The following KIF9 variants were observed in gnomAD, a reference collection of about 807,000 sequenced individuals.
The protein encoded by KIF9 is kinesin-like protein KIF9.
In KIF9, 68 loss-of-function variants were observed where a neutral mutation model predicts 94.8. That is an observed-to-expected ratio of 0.72 (90% CI 0.59 to 0.88). The LOEUF (loss-of-function observed/expected upper bound fraction) is 0.88. Among genes scored for constraint, KIF9 ranks in the 40% least tolerant of loss-of-function variants. The pLI is 0.00. For missense variants in KIF9, 882 were observed against 982.5 expected, an observed-to-expected ratio of 0.90 and a Z score of 1.37; for synonymous variants, 343 against 362.1, an observed-to-expected ratio of 0.95 and a Z score of 0.60.
intron 3 of KIF9, 152 bp downstream of exon 3, chr3:47,275,172 AC>A (rs1333835053): frequency 6.3e-6 from 4 of 633,542 alleles, no homozygotes; most frequent in Non-Finnish European, 1.1e-5. Context: ...CACAATGTCA[AC>A]AAGCAAACAG....
At position 47,239,989 on chromosome 3, in the gene KIF9, G is replaced by C. The variant is rs190415064; in HGVS notation, c.1924+812C>G. ...CCTCTGAACCACCTGTCCCAGAGTTGGAATGGTCACTCACTAAAATGCAGG... is the reference window on the plus strand; with the variant it reads ...CCTCTGAACCACCTGTCCCAGAGTTCGAATGGTCACTCACTAAAATGCAGG... On this transcript the variant is annotated intron_variant, in intron 17 of 20. Transcript: ENST00000684063. 6.1e-6 allele frequency: 8 copies of C among 1,314,918 alleles called. No homozygotes were observed. The Admixed American group carries it at 1.0e-4, about 17-fold the overall frequency. 81.5% of individuals were successfully genotyped at this position (1,314,918 alleles called of 1,614,324 possible). A position where few individuals can be genotyped will look rare whatever the true frequency, so the allele number is the denominator to read the frequency against.
At chr3:47,247,822 G>C (rs1700022392) in intron 11 of KIF9, among the ~76,000 whole-genome samples, 196 bp downstream of exon 11, 1 of 152,152 alleles carries the variant, frequency 6.6e-6, no homozygotes, top group Admixed American at 6.5e-5. Flanking sequence ...GGCCCCTCAG[G>C]ACCGTTGGAG....
chr3:47,245,976 C>A, intron 13 of KIF9: 1 of 544,508 alleles, frequency 1.8e-6, no homozygotes, highest in Non-Finnish European at 3.3e-6. Context: ...TTCACAATGC[C>A]CTGCTCTGGG....
At position 47,243,185 on chromosome 3, in the gene KIF9, A is replaced by G; in HGVS notation, c.1575T>C (p.Val525=). 6.2e-7 allele frequency: 1 copy of G among 1,613,802 alleles called. No homozygotes were observed. Among genetic ancestry groups the G allele is most frequent in the Non-Finnish European group, 8.5e-7 (1 of 1,179,804 alleles). The part of the protein sequence containing the change: ...SPVNGKDLDY[V]STSKTQLVPS... ...GGACCAGCTGGGTCTTGGAGGTGGA[A>G]ACGTAATCCAAGTCCTTCCCATTCA... The change falls in exon 16 of 21, where the codon GTT becomes GTC. Residue 525 remains valine, a synonymous_variant. Transcript: ENST00000684063.
Position 47,245,397 on chromosome 3 carries a change from T to C in KIF9, c.1380+24A>G, listed in dbSNP as rs370402385. The C allele has an allele frequency of 3.0e-5, 48 of 1,581,418 alleles. No individual in the cohort carries two copies. In the African/African-American group the frequency reaches 6.5e-4, roughly 21 times the overall value. ...GATGGGAAATCTGAGGTGAGTGCTG[T>C]CGGCAAGTAGCAACTATGCTTACCT... On this transcript the variant is annotated intron_variant, in intron 14 of 20. Coordinates refer to ENST00000684063, the MANE Select transcript of KIF9 (RefSeq NM_182902.4).
At chr3:47,230,812 G>C (rs1698513260) in intron 20 of KIF9, among the ~76,000 whole-genome samples, 1 of 152,184 alleles carries the variant, frequency 6.6e-6, no homozygotes, top group Non-Finnish European at 1.5e-5. Flanking sequence ...AGCCAAGGCG[G>C]GTGGATCACG....
At chr3:47,275,619 C>A in intron 2 of KIF9, 129 bp from the exon 3 acceptor site, 1 of 663,202 alleles carries the variant, frequency 1.5e-6, no homozygotes, top group South Asian at 1.9e-5. Flanking sequence ...TGGGGACTCC[C>A]ACGTAGGGGC....
intron 2 of KIF9, among the ~76,000 whole-genome samples, chr3:47,276,352 T>G (rs1701963881): frequency 6.6e-6 from 1 of 151,732 alleles, no homozygotes. Context: ...GGTCAGGAGT[T>G]CCAGACCAGC....
At chr3:47,253,178 C>T (rs1002373826) in intron 10 of KIF9, among the ~76,000 whole-genome samples, 3 of 152,100 alleles carry the variant, frequency 2.0e-5, no homozygotes, top group Admixed American at 1.3e-4. Context: ...TTTGTTTAGA[C>T]AGATTCTCCC....
At chr3:47,240,002 A>C (rs959037248) in intron 17 of KIF9, 1 of 1,255,948 alleles carries the variant, frequency 8.0e-7, no homozygotes, top group Non-Finnish European at 1.1e-6. Context: ...ATGGTCACTC[A>C]CTAAAATGCA....
Position 47,248,054 on chromosome 3 carries a change from T to C in KIF9, c.1092A>G (p.Ala364=), listed in dbSNP as rs1700040467. Residue 364 remains alanine, a synonymous_variant, in exon 11 of 21, where the codon GCA becomes GCG. Transcript: ENST00000684063. ...RMVKNLEKEL[A]LLKQELAIHD... Reference sequence around the variant, plus strand: ...GGATAGCCAGCTCCTGCTTGAGTAGTGCTAGTTCCTTCTCCAGGTTCTTGA... The same window carrying C: ...GGATAGCCAGCTCCTGCTTGAGTAGCGCTAGTTCCTTCTCCAGGTTCTTGA... The C allele has an allele frequency of 6.2e-7, 1 of 1,613,810 alleles. No homozygotes were observed. Among genetic ancestry groups the C allele is most frequent in the East Asian group, 2.2e-5 (1 of 44,850 alleles).
intron 20 of KIF9, 60 bp downstream of exon 20, chr3:47,235,453 T>A: frequency 8.7e-7 from 1 of 1,153,098 alleles, no homozygotes; most frequent in Admixed American, 1.7e-5. Context: ...GGGAATATGA[T>A]CCTGGGTTTC....
chr3:47,266,302 A>G (rs1446245727), intron 7 of KIF9, among the ~76,000 whole-genome samples: 4 of 152,192 alleles, frequency 2.6e-5, no homozygotes, highest in Non-Finnish European at 4.4e-5. Context: ...ACTCATACAA[A>G]TATTTATTTG....
chr3:47,261,158 ATG>A (rs371585474), intron 9 of KIF9, among the ~76,000 whole-genome samples: 5 of 152,200 alleles, frequency 3.3e-5, no homozygotes, highest in East Asian at 3.9e-4. Flanking sequence ...GAGGTCTAAA[ATG>A]TGTGTGTGTG....
Position 47,235,495 on chromosome 3 carries a change from CAT to C in KIF9, c.2322+16_2322+17del, listed in dbSNP as rs769503524. ...ACTGAGGCCCCCATCCTCCTGGAGA[CAT>C]AGGCCTCTGAGTTACCTTCTGCTCT... On this transcript the variant is annotated intron_variant, in intron 20 of 20. Transcript: ENST00000684063. 1 of 1,553,620 alleles carries C rather than the reference CAT, an allele frequency of 6.4e-7. No homozygotes were observed. The highest frequency in any genetic ancestry group is 8.9e-7 in the Non-Finnish European group (1 of 1,124,762).
At chr3:47,256,584 C>T (rs868483017) in intron 10 of KIF9, among the ~76,000 whole-genome samples, 6 of 151,930 alleles carry the variant, frequency 3.9e-5, no homozygotes, top group Admixed American at 6.5e-5. Context: ...TCTGCCCGGC[C>T]GCCCCTGCTG....
chr3:47,277,993 AGTGTGTGTGTGTGT>A (rs147140971), intron 1 of KIF9, among the ~76,000 whole-genome samples: 19 of 150,104 alleles, frequency 1.3e-4, no homozygotes, highest in African/African-American at 4.6e-4. Context: ...ATTTTCTTTC[AGTGTGTGTGTGTGT>A]GTGTATGCGT....
intron 14 of KIF9, 105 bp from the exon 15 acceptor site, chr3:47,245,029 A>G: frequency 6.9e-7 from 1 of 1,444,760 alleles, no homozygotes; most frequent in Non-Finnish European, 9.4e-7. Context: ...CATGTTCACC[A>G]TACACACCAA....
At chr3:47,266,825 T>C (rs1325861684) in intron 7 of KIF9, 151 bp downstream of exon 7, 5 of 668,166 alleles carry the variant, frequency 7.5e-6, no homozygotes, top group Non-Finnish European at 1.3e-5. Flanking sequence ...TTGCAAATCC[T>C]GTCCCTCCAG....
Sources: gnomAD v4.1 joint callset for allele counts (sites outside exome capture counted in the v4.1 genomes callset) on GRCh38, gnomAD v4.1.1 for gene constraint, MANE v1.5 for transcripts, NCBI Gene and HGNC (gene_info 2026-07-23, HGNC 2026-07-21) for gene names.